KCNQ1: variants seen among roughly 807,000 people sequenced by gnomAD.
The protein encoded by KCNQ1 is potassium voltage-gated channel subfamily Q member 1, also known as potassium voltage-gated channel subfamily KQT member 1.
In KCNQ1, 49 loss-of-function variants were observed where a neutral mutation model predicts 72.4. That is an observed-to-expected ratio of 0.68 (90% confidence interval 0.54 to 0.86). KCNQ1 has a LOEUF of 0.86. KCNQ1 is among the 40% of genes least tolerant of loss of function. The pLI is 0.00. For synonymous variants in KCNQ1, 450 were observed against 412.6 expected, an observed-to-expected ratio of 1.09 and a Z score of -1.10; for missense variants, 790 against 945.1, an observed-to-expected ratio of 0.84 and a Z score of 2.15.
chr11:2,526,240 G>A lies in KCNQ1; in HGVS notation c.387-1688G>A, dbSNP rs528846751. Among the ~76,000 whole-genome samples the A allele has an allele frequency of 5.1e-4, 77 of 152,110 alleles. No homozygotes were observed. The highest frequency in any genetic ancestry group is 1.8e-3 in the African/African-American group (75 of 41,496). On this transcript the variant is annotated intron_variant, in intron 1 of 15. Transcript: ENST00000155840. This position sits in a 1 kb window ranked among gnomAD's most constrained non-coding sequence, Gnocchi z 6.1. Reference sequence around the variant, plus strand: ...CTGGCTGGGTGTGTGGGCTGGGGGCGCCGAGGGTGGAGGTGGGCACTGTGG... The same window carrying A: ...CTGGCTGGGTGTGTGGGCTGGGGGCACCGAGGGTGGAGGTGGGCACTGTGG...
chr11:2,611,022 C>T lies in KCNQ1; in HGVS notation c.1393+22168C>T, dbSNP rs1220056029. ...TCTATTATTGTTCAGTTGTCTGTTT[C>T]TCTCTTCATTTCTGACAGTTTTATT... On this transcript the variant is annotated intron_variant, in intron 10 of 15. Coordinates refer to ENST00000155840, the MANE Select transcript of KCNQ1 (RefSeq NM_000218.3). The surrounding 1 kb of genome is among the most constrained non-coding windows in gnomAD (Gnocchi z 5.3). The T allele has an allele frequency of 3.5e-5, 14 of 398,328 alleles. No individual in the cohort carries two copies. The East Asian group carries it at 4.3e-4, about 12-fold the overall frequency. 24.7% of individuals were successfully genotyped at this position (398,328 alleles called of 1,614,324 possible).
chr11:2,514,447 A>T (rs1204725454), intron 1 of KCNQ1, among the ~76,000 whole-genome samples: 1 of 152,240 alleles, frequency 6.6e-6, no homozygotes, highest in East Asian at 1.9e-4. Flanking sequence ...GCCACACAGC[A>T]GCTCCATTTC....
intron 2 of KCNQ1, among the ~76,000 whole-genome samples, chr11:2,553,468 C>A (rs1281417923): frequency 1.3e-5 from 2 of 152,088 alleles, no homozygotes; most frequent in South Asian, 2.1e-4. Flanking sequence ...ATAGAGAGTG[C>A]GTCAAGAATG....
Position 2,626,710 on chromosome 11 carries a change from G to T in KCNQ1, c.1394-35251G>T, listed in dbSNP as rs1849268021. The T allele has an allele frequency of 2.5e-6, 1 of 397,266 alleles. No individual in the cohort carries two copies. Among genetic ancestry groups the T allele is most frequent in the Non-Finnish European group, 4.4e-6 (1 of 226,018 alleles). 24.6% of individuals were successfully genotyped at this position (397,266 alleles called of 1,614,324 possible). On this transcript the variant is annotated intron_variant, in intron 10 of 15. Coordinates refer to ENST00000155840, the MANE Select transcript of KCNQ1 (RefSeq NM_000218.3). This position sits in a 1 kb window ranked among gnomAD's most constrained non-coding sequence, Gnocchi z 4.0. ...CACCTGGCCAATTATTTTATTTTTTGTAGAGATGAGGTCTCCCTGTGTTCC... is the reference window on the plus strand; with the variant it reads ...CACCTGGCCAATTATTTTATTTTTTTTAGAGATGAGGTCTCCCTGTGTTCC...
chr11:2,838,391 G>T (rs1314027521), intron 15 of KCNQ1, among the ~76,000 whole-genome samples: 1 of 152,188 alleles, frequency 6.6e-6, no homozygotes, highest in African/African-American at 2.4e-5. Flanking sequence ...GATGGGGGCT[G>T]GGCCAGACCA....
rs1047793193 is a variant in KCNQ1, at chr11:2,723,911, C to A, written c.1515-44933C>A. Among the ~76,000 whole-genome samples, 9 of 152,224 alleles carry A rather than the reference C, an allele frequency of 5.9e-5. No homozygotes were observed. The highest frequency in any genetic ancestry group is 2.2e-4 in the African/African-American group (9 of 41,466). On this transcript the variant is annotated intron_variant, in intron 11 of 15. Coordinates refer to ENST00000155840, the MANE Select transcript of KCNQ1 (RefSeq NM_000218.3). This position sits in a 1 kb window ranked among gnomAD's most constrained non-coding sequence, Gnocchi z 4.2. ...AGGAAGTCACACGTTGGGGGATGTG[C>A]CGCAGGGATGGGGCATCTCAGCCTT...
At chr11:2,694,520 T>A (rs1850641912) in intron 11 of KCNQ1, 1 of 398,552 alleles carries the variant, frequency 2.5e-6, no homozygotes, top group Non-Finnish European at 4.4e-6. Flanking sequence ...AAACCCTGGT[T>A]GCAAGGGGTC....
intron 11 of KCNQ1, among the ~76,000 whole-genome samples, chr11:2,738,843 A>T (rs1271191586): frequency 6.6e-6 from 1 of 152,158 alleles, no homozygotes; most frequent in African/African-American, 2.4e-5. Flanking sequence ...TCAGCAGGCC[A>T]AAGAGTGGGC....
intron 15 of KCNQ1, among the ~76,000 whole-genome samples, chr11:2,833,874 G>A (rs1271267106): frequency 3.5e-4 from 54 of 152,180 alleles, no homozygotes; most frequent in East Asian, 1.9e-4. Context: ...GGCGGGGAGC[G>A]GGGCTTGCCA....
At chr11:2,453,982 G>A (rs1846149533) in intron 1 of KCNQ1, among the ~76,000 whole-genome samples, 3 of 152,022 alleles carry the variant, frequency 2.0e-5, no homozygotes, top group Non-Finnish European at 1.5e-5. Flanking sequence ...GTTGGCAAGG[G>A]TGGTCTTGAA....
In KCNQ1 at chr11:2,669,835, C is replaced by T. The variant is rs936464402; in HGVS notation, c.1514+7754C>T. 2 of 398,450 alleles carry T rather than the reference C, an allele frequency of 5.0e-6. No homozygotes were observed. Among genetic ancestry groups the T allele is most frequent in the African/African-American group, 4.1e-5 (2 of 48,582 alleles). The allele number at this position is 398,450 out of a possible 1,614,324, so 24.7% of individuals were successfully genotyped here. A position where few individuals can be genotyped will look rare whatever the true frequency, so the allele number is the denominator to read the frequency against. On this transcript the variant is annotated intron_variant, in intron 11 of 15. Transcript: ENST00000155840. This position sits in a 1 kb window ranked among gnomAD's most constrained non-coding sequence, Gnocchi z 5.6. ...TTTGAGACTGCCAGGTCATGAGTTA[C>T]CATGGGATACAAATGGGGTCACAAC...
At chr11:2,512,376 A>T (rs1183163175) in intron 1 of KCNQ1, among the ~76,000 whole-genome samples, 1 of 151,788 alleles carries the variant, frequency 6.6e-6, no homozygotes, top group Non-Finnish European at 1.5e-5. Flanking sequence ...CAGCCAGGAG[A>T]ACTGTCTGTC....
chr11:2,805,677 A>G (rs1342867607), intron 15 of KCNQ1, among the ~76,000 whole-genome samples: 1 of 152,216 alleles, frequency 6.6e-6, no homozygotes, highest in Non-Finnish European at 1.5e-5. Context: ...GGCCCTTTAG[A>G]GAAAAGCGTG....
chr11:2,733,811 CACA>C, intron 11 of KCNQ1, among the ~76,000 whole-genome samples: 1 of 45,670 alleles, frequency 2.2e-5, no homozygotes, highest in Non-Finnish European at 4.9e-5. Flanking sequence ...CACACACACA[CACA>C]CTCTCTCACT....
intron 1 of KCNQ1, among the ~76,000 whole-genome samples, chr11:2,485,777 T>C (rs1019495122): frequency 6.6e-6 from 1 of 152,190 alleles, no homozygotes. Context: ...AAAAGTGGGA[T>C]CATTGAGTAC....
Position 2,464,071 on chromosome 11 carries a change from G to A in KCNQ1, c.386+18587G>A, listed in dbSNP as rs1239851633. Reference sequence around the variant, plus strand: ...CTGCCCGGTGGATCCAGGCAGGGCCGGGATGTTTGCAGGACCCACGGGACA... The same window carrying A: ...CTGCCCGGTGGATCCAGGCAGGGCCAGGATGTTTGCAGGACCCACGGGACA... On this transcript the variant is annotated intron_variant, in intron 1 of 15. Coordinates refer to ENST00000155840, the MANE Select transcript of KCNQ1 (RefSeq NM_000218.3). This position sits in a 1 kb window ranked among gnomAD's most constrained non-coding sequence, Gnocchi z 5.0. Among the ~76,000 whole-genome samples the A allele has an allele frequency of 2.6e-5, 4 of 152,180 alleles. No homozygotes were observed. Among genetic ancestry groups the A allele is most frequent in the African/African-American group, 4.8e-5 (2 of 41,444 alleles).
rs1480960306 is a variant in KCNQ1 at position 2,653,220 on chromosome 11, G to T, written c.1394-8741G>T. On this transcript the variant is annotated intron_variant, in intron 10 of 15. Coordinates refer to ENST00000155840, the MANE Select transcript of KCNQ1 (RefSeq NM_000218.3). This position sits in a 1 kb window ranked among gnomAD's most constrained non-coding sequence, Gnocchi z 5.3. ...TTGCAGGGCTAGGGCCAGGGCCTTG[G>T]CCTCAGGCCAGCTTCTTTCCCACAA... is the stretch of plus-strand genomic sequence containing the variant. 2 of 398,642 alleles carry T rather than the reference G, an allele frequency of 5.0e-6. No individual in the cohort carries two copies. The highest frequency in any genetic ancestry group is 4.1e-5 in the African/African-American group (2 of 48,654). The allele number at this position is 398,642 out of a possible 1,614,324, so 24.7% of individuals were successfully genotyped here. A position where few individuals can be genotyped will look rare whatever the true frequency, so the allele number is the denominator to read the frequency against.
At chr11:2,792,867 G>A (rs956643096) in intron 15 of KCNQ1, among the ~76,000 whole-genome samples, 1 of 152,214 alleles carries the variant, frequency 6.6e-6, no homozygotes, top group Non-Finnish European at 1.5e-5. Context: ...AGCGGGGCCA[G>A]CACGCAGCCC....
Position 2,478,037 on chromosome 11 carries a change from C to A in KCNQ1, c.386+32553C>A, listed in dbSNP as rs540772809. The stretch of plus-strand genomic sequence containing the variant: ...TAGAGGCAAAGCTGGCGACACCACC[C>A]GAGCCAAGTGATCCAAGTTAACATC... On this transcript the variant is annotated intron_variant, in intron 1 of 15. Coordinates refer to ENST00000155840, the MANE Select transcript of KCNQ1 (RefSeq NM_000218.3). This position sits in a 1 kb window ranked among gnomAD's most constrained non-coding sequence, Gnocchi z 4.0. Among the ~76,000 whole-genome samples, 1 of 152,136 alleles carries A rather than the reference C, an allele frequency of 6.6e-6. No individual in the cohort carries two copies. Among genetic ancestry groups the A allele is most frequent in the Non-Finnish European group, 1.5e-5 (1 of 68,022 alleles).
Sources: gnomAD v4.1 joint callset for allele counts (sites outside exome capture counted in the v4.1 genomes callset) on GRCh38, gnomAD v4.1.1 for gene constraint, Gnocchi (gnomAD v3.1) non-coding constraint, MANE v1.5 for transcripts, NCBI Gene and HGNC (gene_info 2026-07-23, HGNC 2026-07-21) for gene names.